The following ATP8B4 variants were observed in gnomAD, a reference collection of about 807,000 sequenced individuals.
ATP8B4 encodes probable phospholipid-transporting ATPase IM.
ATP8B4 carries 133 observed loss-of-function variants against 145.6 expected under a neutral mutation model. That is an observed-to-expected ratio of 0.91 (90% CI 0.79 to 1.05). ATP8B4 has a LOEUF of 1.05. Ranked by LOEUF, ATP8B4 falls within the 50% of genes least tolerant of loss-of-function variation. ATP8B4 has a pLI of 0.00. For missense variants in ATP8B4, 1,458 were observed against 1,425.2 expected, an observed-to-expected ratio of 1.02 and a Z score of -0.37; for synonymous variants, 507 against 492.9, an observed-to-expected ratio of 1.03 and a Z score of -0.38.
At chr15:50,063,648 T>C (rs2053182496) in intron 3 of ATP8B4, among the ~76,000 whole-genome samples, 2 of 152,234 alleles carry the variant, frequency 1.3e-5, no homozygotes, top group East Asian at 3.9e-4. Flanking sequence ...TCTTAGACTG[T>C]ATTAATAATC....
intron 21 of ATP8B4, among the ~76,000 whole-genome samples, chr15:49,898,688 T>C (rs887147048): frequency 6.6e-6 from 1 of 152,182 alleles, no homozygotes; most frequent in Non-Finnish European, 1.5e-5. Context: ...CTTTGCACTG[T>C]TGTTTTGTAT....
chr15:49,873,544 C>T (rs531915009), intron 25 of ATP8B4, among the ~76,000 whole-genome samples: 8 of 151,860 alleles, frequency 5.3e-5, no homozygotes, highest in African/African-American at 1.4e-4. Flanking sequence ...ATATATAATC[C>T]GATTTCCATT....
Position 49,901,218 on chromosome 15 carries a change from A to G in ATP8B4, c.2163T>C (p.Phe721=), listed in dbSNP as rs1372175285. The G allele has an allele frequency of 6.2e-7, 1 of 1,613,286 alleles. No individual in the cohort carries two copies. The highest frequency in any genetic ancestry group is 1.3e-5 in the African/African-American group (1 of 74,868). ...CATTGGAAAAATTTCTGTTTTGTCC[A>G]AACAAATTTTGTTTTGCTTTCCTTA... ...EELRKAKQNL[F]GQNRNFSNGH... The change falls in exon 21 of 28, where the codon TTT becomes TTC. Residue 721 remains phenylalanine (F), a synonymous_variant. Coordinates refer to ENST00000284509, the MANE Select transcript of ATP8B4 (RefSeq NM_024837.4).
At chr15:50,031,778 C>T (rs560683101) in intron 6 of ATP8B4, among the ~76,000 whole-genome samples, 5 of 151,852 alleles carry the variant, frequency 3.3e-5, no homozygotes, top group Non-Finnish European at 5.9e-5. Flanking sequence ...GGTCTACATG[C>T]CTCTAACCTG....
At chr15:50,076,488 C>A (rs1461842694) in intron 2 of ATP8B4, among the ~76,000 whole-genome samples, 1 of 147,344 alleles carries the variant, frequency 6.8e-6, no homozygotes, top group East Asian at 1.9e-4. Flanking sequence ...AAGACTCCAT[C>A]TCAAAAAAAA....
chr15:49,931,242 C>A lies in ATP8B4; in HGVS notation c.1519G>T (p.Gly507Trp). The A allele has an allele frequency of 6.2e-7, 1 of 1,612,656 alleles. No homozygotes were observed. Among genetic ancestry groups the A allele is most frequent in the Non-Finnish European group, 8.5e-7 (1 of 1,179,174 alleles). ...GALVTAARNF[G>W]FIFKSRTPET... ...GGGGTCCGGGATTTAAAAATGAACC[C>A]AAAATTTCTAGCGGCAGTCACTAGA... Residue 507 changes from glycine to tryptophan, a missense_variant, in exon 16 of 28, where the codon GGG becomes TGG. By Grantham distance (184) the Gly-to-Trp change is radical. Transcript: ENST00000284509.
intron 23 of ATP8B4, among the ~76,000 whole-genome samples, chr15:49,889,120 A>T (rs2036523822): frequency 6.6e-6 from 1 of 152,152 alleles, no homozygotes; most frequent in Non-Finnish European, 1.5e-5. Context: ...TTAAAAAAAA[A>T]AAGGATATGG....
chr15:49,898,337 A>G, intron 21 of ATP8B4, 86 bp from the exon 22 acceptor site: 1 of 1,355,290 alleles, frequency 7.4e-7, no homozygotes, highest in Non-Finnish European at 1.0e-6. Context: ...GTTTGCTAAA[A>G]CCATTTCATT....
At chr15:50,004,181 T>C (rs1321564650) in intron 7 of ATP8B4, among the ~76,000 whole-genome samples, 1 of 152,160 alleles carries the variant, frequency 6.6e-6, no homozygotes, top group East Asian at 1.9e-4. Flanking sequence ...CTGTTCCCTT[T>C]TGTTAACCTC....
chr15:50,082,420 G>C (rs2153643828), intron 2 of ATP8B4, among the ~76,000 whole-genome samples: 1 of 152,284 alleles, frequency 6.6e-6, no homozygotes. Context: ...CCTCACAAGA[G>C]AGCTTGGAAA....
Position 49,959,543 on chromosome 15 carries a change from A to G in ATP8B4, c.1287+2434T>C, listed in dbSNP as rs190873974. Among the ~76,000 whole-genome samples, 136 of 152,256 alleles carry G rather than the reference A, an allele frequency of 8.9e-4. 1 individual carries two copies. The highest frequency in any genetic ancestry group is 3.1e-3 in the African/African-American group (130 of 41,584). Reference sequence around the variant, plus strand: ...GGGATAAAATTGTCTCTATTTCCAGATAGTATGGTTATATACTTGGAAACC... The same window carrying G: ...GGGATAAAATTGTCTCTATTTCCAGGTAGTATGGTTATATACTTGGAAACC... On this transcript the variant is annotated intron_variant, in intron 14 of 27. Transcript: ENST00000284509.
intron 23 of ATP8B4, among the ~76,000 whole-genome samples, chr15:49,888,079 C>G (rs1045380323): frequency 6.6e-6 from 1 of 152,160 alleles, no homozygotes; most frequent in Non-Finnish European, 1.5e-5. Flanking sequence ...AAAGAAAACA[C>G]ATTGTGGAAT....
chr15:50,178,178 C>T (rs1238299033), intron 1 of ATP8B4, among the ~76,000 whole-genome samples: 1 of 152,076 alleles, frequency 6.6e-6, no homozygotes, highest in Non-Finnish European at 1.5e-5. Flanking sequence ...TAGGAGGCCA[C>T]GTTGAAGTGA....
At chr15:50,003,255 A>C (rs2048037802) in intron 7 of ATP8B4, among the ~76,000 whole-genome samples, 1 of 150,358 alleles carries the variant, frequency 6.7e-6, no homozygotes, top group Non-Finnish European at 1.5e-5. Flanking sequence ...TAAATTTGCA[A>C]CTCAAAAATA....
At chr15:50,009,301 A>G (rs2048546581) in intron 7 of ATP8B4, 1 of 153,316 alleles carries the variant, frequency 6.5e-6, no homozygotes, top group South Asian at 2.0e-4. Context: ...TCTTACAAAG[A>G]TCAACACTTA....
chr15:49,955,223 T>C (rs1470404529), intron 14 of ATP8B4, among the ~76,000 whole-genome samples: 1 of 152,224 alleles, frequency 6.6e-6, no homozygotes. Flanking sequence ...TCTTGGGTAC[T>C]GTGCTTACTA....
chr15:50,116,563 G>T (rs1026510021), intron 1 of ATP8B4, among the ~76,000 whole-genome samples: 1 of 152,192 alleles, frequency 6.6e-6, no homozygotes, highest in Non-Finnish European at 1.5e-5. Context: ...TAAGGAAGGA[G>T]TGAAGTCAAG....
chr15:50,129,946 C>CAAAA (rs59921497), intron 1 of ATP8B4, among the ~76,000 whole-genome samples: 16 of 88,092 alleles, frequency 1.8e-4, no homozygotes, highest in African/African-American at 5.3e-4. Flanking sequence ...GACTCTGACT[C>CAAAA]AAAAAAAAAA....
chr15:50,133,901 C>G (rs1375155963), intron 1 of ATP8B4, among the ~76,000 whole-genome samples: 1 of 151,668 alleles, frequency 6.6e-6, no homozygotes, highest in East Asian at 1.9e-4. Flanking sequence ...TTTGGGAGGC[C>G]AAGGCAGGAG....
Sources: allele counts gnomAD v4.1 joint callset (sites outside exome capture counted in the v4.1 genomes callset), GRCh38; gene constraint gnomAD v4.1.1; transcripts MANE v1.5; gene names NCBI Gene and HGNC (gene_info 2026-07-23, HGNC 2026-07-21).